Variants in NELFA observed in about 807,000 individuals in gnomAD.
The protein encoded by NELFA is negative elongation factor complex member A.
In NELFA, 35 loss-of-function variants were observed where a neutral mutation model predicts 51.8. The ratio of observed to expected loss-of-function variants is 0.68; its 90% CI spans 0.52 to 0.90. The LOEUF is 0.90. Among genes scored for constraint, NELFA ranks in the 40% least tolerant of loss-of-function variants. The pLI is 0.00. For synonymous variants in NELFA, 417 were observed against 338.4 expected (o/e 1.23, Z -2.55); for missense variants, 658 against 746.4 (o/e 0.88, Z 1.38).
At chr4:1,986,634 G>T (rs1728109532) in intron 4 of NELFA, 5 of 543,850 alleles carry the variant, frequency 9.2e-6, no homozygotes, top group Non-Finnish European at 1.6e-5. Context: ...CGGCACCCCA[G>T]CCCAGCCACA....
chr4:2,002,155 G>C (rs559138737), intron 1 of NELFA, among the ~76,000 whole-genome samples: 37 of 152,032 alleles, frequency 2.4e-4, no homozygotes, highest in Non-Finnish European at 4.6e-4. Flanking sequence ...AGCCAAGATC[G>C]CGCCACTGCA....
In NELFA at chr4:2,008,752, C is replaced by T. The variant is rs749941293; in HGVS notation, c.208G>A (p.Glu70Lys). The part of the protein sequence containing the change: ...TLHLPRRTVD[E>K]MKGALMEIIQ... Reference sequence around the variant, plus strand: ...GCGGGGCGCCACGCCTGCCTTACCTCGTCCACCGTGCGGCGCGGGAGGTGC... The same window carrying T: ...GCGGGGCGCCACGCCTGCCTTACCTTGTCCACCGTGCGGCGCGGGAGGTGC... Residue 70 changes from glutamate to lysine, a missense_variant and splice_region_variant, in exon 1 of 11, where the codon GAG (glutamate) becomes AAG (lysine). Physicochemically the swap from Glu to Lys is moderately conservative, Grantham distance 56. Around this residue, in one of 3 missense-constraint regions of NELFA, gnomAD observed 371 missense variants for 448.3 expected, o/e 0.83. Transcript: ENST00000382882. 1.2e-6 allele frequency: 2 copies of T among 1,607,410 alleles called. No individual in the cohort carries two copies. The highest frequency in any genetic ancestry group is 2.2e-5 in the East Asian group (1 of 44,552).
rs1293569248 is a variant in NELFA, at chr4:1,986,955, G to A, written c.635-553C>T. ...GCTCAACGGCTGGCCCACCCTCCCTGGGCCAGCAGGTGCAGCCCTGGCCCT... is the reference window on the plus strand; with the variant it reads ...GCTCAACGGCTGGCCCACCCTCCCTAGGCCAGCAGGTGCAGCCCTGGCCCT... On this transcript the variant is annotated intron_variant, in intron 4 of 10. Coordinates refer to ENST00000382882, the MANE Select transcript of NELFA (RefSeq NM_005663.5). 2.6e-5 allele frequency among the ~76,000 whole-genome samples: 4 copies of A among 152,114 alleles called. No homozygotes were observed. The East Asian group carries it at 7.7e-4, about 29-fold the overall frequency.
In NELFA at chr4:1,984,789, CT is replaced by C. The variant is rs771784421; in HGVS notation, c.1036+18del. 4 of 1,540,982 alleles carry C rather than the reference CT, an allele frequency of 2.6e-6. No homozygotes were observed. The Admixed American group carries it at 7.9e-5, about 30-fold the overall frequency. On this transcript the variant is annotated intron_variant, in intron 8 of 10. Transcript: ENST00000382882. ...GGCAGGCAGCTTGGCTGGTTCCAGG[CT>C]GGGGCCAGCAGACTCACCTGGGGGC...
intron 1 of NELFA, chr4:2,007,945 G>A (rs934938753): frequency 2.0e-5 from 9 of 456,494 alleles, no homozygotes; most frequent in Non-Finnish European, 4.0e-5. Context: ...ATAAAGTTTA[G>A]GAAAAAAGAA....
At chr4:1,992,936 C>T (rs560267) in intron 1 of NELFA, among the ~76,000 whole-genome samples, 8,551 of 152,288 alleles carry the variant, frequency 0.056, 355 homozygotes, top group Non-Finnish European at 0.083. Flanking sequence ...GGGAGGGTGT[C>T]GCCCCGGCCG....
intron 1 of NELFA, chr4:2,007,067 G>A (rs1319442693): frequency 8.7e-6 from 3 of 345,674 alleles, no homozygotes; most frequent in Non-Finnish European, 1.8e-5. Context: ...AGACCAGCCT[G>A]GGCAGCATGG....
In NELFA at chr4:1,994,336, G is replaced by A. The variant is rs184542969; in HGVS notation, c.211-2621C>T. On this transcript the variant is annotated intron_variant, in intron 1 of 10. Transcript: ENST00000382882. ...TCCCAGCACTCTGGGAGGCTAGGGCGGGTGGATCACTTGAGGTCAGGAGTT... is the reference window on the plus strand; with the variant it reads ...TCCCAGCACTCTGGGAGGCTAGGGCAGGTGGATCACTTGAGGTCAGGAGTT... 7.5e-4 allele frequency among the ~76,000 whole-genome samples: 114 copies of A among 152,220 alleles called. 1 individual carries two copies. Among genetic ancestry groups the A allele is most frequent in the Non-Finnish European group, 1.5e-3 (101 of 68,012 alleles).
chr4:2,000,451 GATA>G (rs1728540337), intron 1 of NELFA, among the ~76,000 whole-genome samples: 2 of 151,680 alleles, frequency 1.3e-5, no homozygotes, highest in Non-Finnish European at 2.9e-5. Flanking sequence ...TAATAATAAT[GATA>G]ATAATAAAGA....
intron 7 of NELFA, 58 bp downstream of exon 7, chr4:1,985,718 C>G (rs1003393274): frequency 7.2e-7 from 1 of 1,397,880 alleles, no homozygotes; most frequent in East Asian, 2.3e-5. Flanking sequence ...TGGCCACAAT[C>G]GGAACAAAAG....
intron 1 of NELFA, among the ~76,000 whole-genome samples, chr4:1,995,043 T>C (rs1728385816): frequency 6.6e-6 from 1 of 152,212 alleles, no homozygotes; most frequent in African/African-American, 2.4e-5. Flanking sequence ...AGGATGTTTC[T>C]ACATAAGACT....
At chr4:1,994,455 C>T (rs1464018043) in intron 1 of NELFA, among the ~76,000 whole-genome samples, 1 of 151,880 alleles carries the variant, frequency 6.6e-6, no homozygotes, top group Non-Finnish European at 1.5e-5. Context: ...ATCCCAGCTA[C>T]TGGGGAAGGT....
intron 8 of NELFA, 150 bp downstream of exon 8, chr4:1,984,658 G>A (rs1041038180): frequency 1.5e-5 from 9 of 614,062 alleles, no homozygotes; most frequent in Middle Eastern, 8.9e-4. Context: ...GCTGAACAGC[G>A]GGGCATCTGC....
At chr4:2,005,456 C>T (rs1728686011) in intron 1 of NELFA, among the ~76,000 whole-genome samples, 1 of 152,156 alleles carries the variant, frequency 6.6e-6, no homozygotes, top group South Asian at 2.1e-4. Flanking sequence ...AAAAATCAGG[C>T]TGGGCATAGT....
intron 1 of NELFA, among the ~76,000 whole-genome samples, chr4:2,005,433 A>G (rs1012522089): frequency 2.0e-5 from 3 of 152,190 alleles, no homozygotes; most frequent in Non-Finnish European, 4.4e-5. Context: ...TACTAGTCAC[A>G]AATTCATTAT....
chr4:1,984,173 G>C (rs927038185), intron 8 of NELFA, 60 bp from the exon 9 acceptor site: 39 of 1,448,130 alleles, frequency 2.7e-5, no homozygotes, highest in Non-Finnish European at 3.4e-5. Flanking sequence ...CCAAACCCTA[G>C]TGCTCCTGGA....
chr4:1,994,716 G>A lies in NELFA; in HGVS notation c.211-3001C>T, dbSNP rs181429635. Among the ~76,000 whole-genome samples, 1,149 of 151,822 alleles carry A rather than the reference G, an allele frequency of 7.6e-3. 16 individuals carry two copies. The highest frequency in any genetic ancestry group is 0.013 in the Non-Finnish European group (912 of 67,894). Reference sequence around the variant, plus strand: ...TAAAAATACAAAAAATTAGGCGGGCGTGGTGGTGGGCACCTGTAGTCCCAG... The same window carrying A: ...TAAAAATACAAAAAATTAGGCGGGCATGGTGGTGGGCACCTGTAGTCCCAG... On this transcript the variant is annotated intron_variant, in intron 1 of 10. Transcript: ENST00000382882.
chr4:1,984,845 G>T lies in NELFA; in HGVS notation c.999C>A (p.Pro333=). The T allele has an allele frequency of 1.3e-6, 2 of 1,574,494 alleles. No individual in the cohort carries two copies. The highest frequency in any genetic ancestry group is 2.3e-5 in the East Asian group (1 of 42,926). The change falls in exon 8 of 11, where the codon CCC becomes CCA. Residue 333 remains proline, a synonymous_variant. Coordinates refer to ENST00000382882, the MANE Select transcript of NELFA (RefSeq NM_005663.5). The stretch of plus-strand genomic sequence containing the variant: ...CGGAGCTGGGGATGTAGGAGGAGGC[G>T]GGAACCACGCTGGGCGTGGAGGGAA... ...SYLPSTPSVV[P]ASSYIPSSET... is the part of the protein sequence containing the mutation.
At chr4:1,993,399 G>A (rs980470138) in intron 1 of NELFA, among the ~76,000 whole-genome samples, 6 of 152,032 alleles carry the variant, frequency 3.9e-5, no homozygotes, top group Non-Finnish European at 8.8e-5. Context: ...GACCCACATG[G>A]GGAAACCCTG....
Sources: allele counts gnomAD v4.1 joint callset (sites outside exome capture counted in the v4.1 genomes callset), GRCh38; gene constraint gnomAD v4.1.1; regional missense constraint gnomAD v4.1.1; transcripts MANE v1.5; gene names NCBI Gene and HGNC (gene_info 2026-07-23, HGNC 2026-07-21).